NR4A3: variants seen among roughly 807,000 people sequenced by gnomAD.
The protein encoded by NR4A3 is nuclear receptor subfamily 4 group A member 3.
In NR4A3, 13 loss-of-function variants were observed where a neutral mutation model predicts 55.6. That is an observed-to-expected ratio of 0.23 (90% CI 0.15 to 0.37). The LOEUF is 0.37. Ranked by LOEUF, NR4A3 falls within the 10% of genes least tolerant of loss-of-function variation. NR4A3 has a pLI of 1.00. For missense variants in NR4A3, 646 were observed against 822.8 expected (o/e 0.79, Z 2.63); for synonymous variants, 342 against 357.9 (o/e 0.96, Z 0.50).
At position 99,847,589 on chromosome 9, in the gene NR4A3, G is replaced by A; in HGVS notation, c.1607G>A (p.Cys536Tyr). 6.2e-7 allele frequency: 1 copy of A among 1,614,138 alleles called. No individual in the cohort carries two copies. The highest frequency in any genetic ancestry group is 8.5e-7 in the Non-Finnish European group (1 of 1,180,022). ...SLNLDIQALA[C>Y]LSALSMITER... The stretch of plus-strand genomic sequence containing the variant: ...AACCTTGATATCCAAGCCTTAGCCT[G>A]CCTGTCAGCACTGAGCATGATCACA... Residue 536 changes from cysteine (C) to tyrosine (Y), a missense_variant, in exon 7 of 8, where the codon TGC becomes TAC. This residue lies in a region of NR4A3 where 163 missense variants were observed against 233.0 expected (regional missense o/e 0.70). Coordinates refer to ENST00000395097, the MANE Select transcript of NR4A3 (RefSeq NM_006981.4).
rs776081482 is a variant in NR4A3, at chr9:99,828,602, G to T, written c.560G>T (p.Arg187Leu). Reference protein sequence around the residue: ...MKAVPTVAGARFPLFHFKPSP... With the variant: ...MKAVPTVAGALFPLFHFKPSP... ...GCGGTCCCCACGGTGGCCGGCGCGC[G>T]CTTCCCGCTCTTCCACTTCAAGCCC... The change falls in exon 3 of 8, where the codon CGC (arginine) becomes CTC (leucine). Residue 187 changes from arginine to leucine, a missense_variant. Arg to Leu is a moderately radical substitution (Grantham distance 102). Coordinates refer to ENST00000395097, the MANE Select transcript of NR4A3 (RefSeq NM_006981.4). This position sits in a 1 kb window ranked among gnomAD's most constrained non-coding sequence, Gnocchi z 7.7. The T allele has an allele frequency of 1.3e-6, 2 of 1,541,112 alleles. No individual in the cohort carries two copies. The highest frequency in any genetic ancestry group is 2.4e-5 in the South Asian group (2 of 84,748).
In NR4A3 at chr9:99,828,382, C is replaced by G. The variant is rs1377205223; in HGVS notation, c.340C>G (p.Gln114Glu). The G allele has an allele frequency of 1.9e-6, 3 of 1,595,818 alleles. No individual in the cohort carries two copies. The highest frequency in any genetic ancestry group is 2.6e-6 in the Non-Finnish European group (3 of 1,171,298). ...CCACCATCACCAGCAGCAGCATCAG[C>G]AGCCATCCATTCCTCCAGCCTCCAG... The part of the protein sequence containing the change: ...HHHHHQQQHQ[Q>E]PSIPPASSPE... The change falls in exon 3 of 8, where the codon CAG becomes GAG. Residue 114 changes from glutamine (Q) to glutamate (E), a missense_variant. By Grantham distance (29) the Gln-to-Glu change is conservative. Coordinates refer to ENST00000395097, the MANE Select transcript of NR4A3 (RefSeq NM_006981.4). This position sits in a 1 kb window ranked among gnomAD's most constrained non-coding sequence, Gnocchi z 7.7.
intron 5 of NR4A3, among the ~76,000 whole-genome samples, chr9:99,839,420 C>A (rs899266868): frequency 6.6e-6 from 1 of 152,132 alleles, no homozygotes; most frequent in Non-Finnish European, 1.5e-5. Context: ...ATATTAGATT[C>A]CACTCTGCTA....
At chr9:99,839,200 TGGG>T (rs1827608464) in intron 5 of NR4A3, among the ~76,000 whole-genome samples, 1 of 152,170 alleles carries the variant, frequency 6.6e-6, no homozygotes, top group Non-Finnish European at 1.5e-5. Context: ...AAGAAAAAAT[TGGG>T]GGGAAAATAT....
intron 7 of NR4A3, among the ~76,000 whole-genome samples, chr9:99,850,411 C>T (rs745854375): frequency 2.6e-5 from 4 of 152,186 alleles, no homozygotes; most frequent in Non-Finnish European, 2.9e-5. Flanking sequence ...GAGGCCAGGA[C>T]GTGTGGGTGC....
intron 7 of NR4A3, among the ~76,000 whole-genome samples, chr9:99,861,605 T>C (rs775981882): frequency 2.0e-5 from 3 of 152,062 alleles, no homozygotes; most frequent in Non-Finnish European, 4.4e-5. Flanking sequence ...CCGTCTCCTT[T>C]TACAGGGCCC....
In NR4A3 at chr9:99,863,999, A is replaced by T; in HGVS notation, c.*132A>T. 1 of 1,094,106 alleles carries T rather than the reference A, an allele frequency of 9.1e-7. No homozygotes were observed. Among genetic ancestry groups the T allele is most frequent in the African/African-American group, 1.6e-5 (1 of 63,228 alleles). 67.8% of individuals were successfully genotyped at this position (1,094,106 alleles called of 1,614,324 possible). ...AAAGCAGCTCCTGTAGAAAGCAAAG[A>T]CTTTCTTTTTTTTCTGGCTCTTTTC... On this transcript the variant is annotated 3_prime_UTR_variant, in exon 8 of 8. Transcript: ENST00000395097.
chr9:99,847,821 C>G (rs1440366147), intron 7 of NR4A3, among the ~76,000 whole-genome samples: 4 of 152,212 alleles, frequency 2.6e-5, no homozygotes, highest in Non-Finnish European at 5.9e-5. Context: ...GATCCATAGT[C>G]TATTGAATTA....
intron 5 of NR4A3, chr9:99,834,038 G>T: frequency 9.3e-7 from 1 of 1,080,538 alleles, no homozygotes; most frequent in South Asian, 3.8e-5. Flanking sequence ...CAGTGGAAAT[G>T]GCTACAATAT....
intron 7 of NR4A3, among the ~76,000 whole-genome samples, chr9:99,860,225 T>TC (rs1827987707): frequency 6.6e-6 from 1 of 151,952 alleles, no homozygotes; most frequent in Non-Finnish European, 1.5e-5. Context: ...TTTTTTTTTT[T>TC]AATTTTGCTT....
intron 5 of NR4A3, among the ~76,000 whole-genome samples, chr9:99,836,528 A>C (rs1212623877): frequency 2.0e-5 from 3 of 152,194 alleles, no homozygotes; most frequent in African/African-American, 7.2e-5. Flanking sequence ...GTTTCTGGGA[A>C]CTTGTAATGG....
intron 6 of NR4A3, among the ~76,000 whole-genome samples, chr9:99,845,959 A>G (rs1483402580): frequency 6.6e-6 from 1 of 152,184 alleles, no homozygotes; most frequent in Admixed American, 6.5e-5. Flanking sequence ...ACTGTCATCT[A>G]TTAGGCATGC....
At chr9:99,834,376 A>T in intron 5 of NR4A3, among the ~76,000 whole-genome samples, 1 of 152,342 alleles carries the variant, frequency 6.6e-6, no homozygotes. Flanking sequence ...AAGGAAAAAA[A>T]ATCACAATTA....
chr9:99,836,293 G>C (rs899941793), intron 5 of NR4A3, among the ~76,000 whole-genome samples: 4 of 152,186 alleles, frequency 2.6e-5, no homozygotes, highest in Non-Finnish European at 4.4e-5. Context: ...ACAAATGGGA[G>C]AGCCTTGGCA....
At chr9:99,839,353 A>C (rs1420963221) in intron 5 of NR4A3, among the ~76,000 whole-genome samples, 1 of 152,240 alleles carries the variant, frequency 6.6e-6, no homozygotes, top group East Asian at 1.9e-4. Context: ...AGGGGAGAAA[A>C]ACGTGTCCTT....
chr9:99,824,148 C>T (rs922131972), intron 1 of NR4A3, among the ~76,000 whole-genome samples: 1 of 152,212 alleles, frequency 6.6e-6, no homozygotes, highest in Non-Finnish European at 1.5e-5. Context: ...GAGGCTTTGC[C>T]TAGGTAACCG....
At position 99,866,639 on chromosome 9, in the gene NR4A3, A is replaced by C; in HGVS notation, c.*2772A>C. 2 of 226,824 alleles carry C rather than the reference A, an allele frequency of 8.8e-6. No homozygotes were observed. The highest frequency in any genetic ancestry group is 1.3e-4 in the East Asian group (2 of 15,866). 14.1% of individuals were successfully genotyped at this position (226,824 alleles called of 1,614,324 possible). A position where few individuals can be genotyped will look rare whatever the true frequency, so the allele number is the denominator to read the frequency against. On this transcript the variant is annotated 3_prime_UTR_variant, in exon 8 of 8. Transcript: ENST00000395097. ...AGCACAGAAGAGAACAACATGTATT[A>C]AAGCAGGTGATTCCTCCCCTTGGCG...
intron 5 of NR4A3, among the ~76,000 whole-genome samples, chr9:99,836,244 TAAC>T (rs2118551677): frequency 6.6e-6 from 1 of 151,846 alleles, no homozygotes; most frequent in East Asian, 1.9e-4. Context: ...CAAAGAAAGT[TAAC>T]AAAAATAAAT....
At position 99,865,199 on chromosome 9, in the gene NR4A3, GTATT is replaced by G; in HGVS notation, c.*1337_*1340del. ...ACGTTATATTGTAATAGCTTTGCCT[GTATT>G]TATTGCAAGACCACCAGCTCCTGGA... On this transcript the variant is annotated 3_prime_UTR_variant, in exon 8 of 8. Coordinates refer to ENST00000395097, the MANE Select transcript of NR4A3 (RefSeq NM_006981.4). The surrounding 1 kb of genome is among the most constrained non-coding windows in gnomAD (Gnocchi z 4.3). 1 of 183,414 alleles carries G rather than the reference GTATT, an allele frequency of 5.5e-6. No homozygotes were observed. Among genetic ancestry groups the G allele is most frequent in the Non-Finnish European group, 1.2e-5 (1 of 86,092 alleles). The allele number at this position is 183,414 out of a possible 1,614,324, so 11.4% of individuals were successfully genotyped here. A position where few individuals can be genotyped will look rare whatever the true frequency, so the allele number is the denominator to read the frequency against.
Sources: gnomAD v4.1 joint callset for allele counts (sites outside exome capture counted in the v4.1 genomes callset) on GRCh38, gnomAD v4.1.1 for gene constraint, gnomAD v4.1.1 regional missense constraint, Gnocchi (gnomAD v3.1) non-coding constraint, MANE v1.5 for transcripts, NCBI Gene and HGNC (gene_info 2026-07-23, HGNC 2026-07-21) for gene names.